Variants in PRTFDC1 observed in about 807,000 individuals in gnomAD.
PRTFDC1 encodes phosphoribosyl transferase domain containing 1.
PRTFDC1 carries 38 observed loss-of-function variants against 34.6 expected under a neutral mutation model. That is an observed-to-expected ratio of 1.10 (90% CI 0.85 to 1.44). The LOEUF (loss-of-function observed/expected upper bound fraction) is 1.44, where lower values mean the gene tolerates loss of function less well. Among genes scored for constraint, PRTFDC1 ranks in the 40% most tolerant of loss-of-function variants. The pLI, the probability that PRTFDC1 is intolerant of heterozygous loss-of-function variation, is 0.00. For missense variants in PRTFDC1, 270 were observed against 283.0 expected (o/e 0.95, Z 0.33); for synonymous variants, 93 against 98.1 (o/e 0.95, Z 0.31).
rs72780358 is a variant in PRTFDC1 at position 24,891,625 on chromosome 10, T to C, written c.340-19562A>G. Among the ~76,000 whole-genome samples the C allele has an allele frequency of 1.6e-4, 24 of 148,956 alleles. No individual in the cohort carries two copies. In the South Asian group the frequency reaches 1.9e-3, roughly 12 times the overall value. On this transcript the variant is annotated intron_variant, in intron 3 of 8. Coordinates refer to ENST00000320152, the MANE Select transcript of PRTFDC1 (RefSeq NM_020200.7). Reference sequence around the variant, plus strand: ...CAAGGCAACATGAAACCCAGTCTCTTAAAAAAAAAAAATTAGCTGTTGTCC... The same window carrying C: ...CAAGGCAACATGAAACCCAGTCTCTCAAAAAAAAAAAATTAGCTGTTGTCC...
At chr10:24,947,962 G>A (rs1849278020) in intron 1 of PRTFDC1, among the ~76,000 whole-genome samples, 1 of 152,156 alleles carries the variant, frequency 6.6e-6, no homozygotes. Context: ...CCCAGGTTCT[G>A]CTCACAGAGG....
At chr10:24,856,308 C>T (rs1042666092) in intron 6 of PRTFDC1, among the ~76,000 whole-genome samples, 2 of 151,224 alleles carry the variant, frequency 1.3e-5, no homozygotes, top group East Asian at 2.0e-4. Context: ...AAAAAAGGGC[C>T]GGGTGCAGTG....
chr10:24,866,809 AG>A (rs1195988227), intron 4 of PRTFDC1, among the ~76,000 whole-genome samples: 8 of 151,766 alleles, frequency 5.3e-5, no homozygotes, highest in South Asian at 2.1e-4. Context: ...AGAGAGAGAG[AG>A]AAAAGAAGAG....
At chr10:24,898,630 C>G (rs1348691726) in intron 3 of PRTFDC1, among the ~76,000 whole-genome samples, 2 of 152,058 alleles carry the variant, frequency 1.3e-5, no homozygotes, top group African/African-American at 2.4e-5. Context: ...GGCTCACATT[C>G]TTGCCTCATT....
In PRTFDC1 at chr10:24,908,504, T is replaced by C. The variant is rs779635957; in HGVS notation, c.339+28680A>G. The C allele has an allele frequency of 3.7e-6, 6 of 1,612,222 alleles. No homozygotes were observed. In the South Asian group the frequency reaches 6.6e-5, roughly 18 times the overall value. On this transcript the variant is annotated intron_variant, in intron 3 of 8. Coordinates refer to ENST00000320152, the MANE Select transcript of PRTFDC1 (RefSeq NM_020200.7). ...TGTACACCTCACTGGATCTCAGACC[T>C]AATTCTGCTCTGATCTTGGTAACTG...
At chr10:24,908,483 C>T (rs1029364896) in intron 3 of PRTFDC1, 11 of 1,609,674 alleles carry the variant, frequency 6.8e-6, no homozygotes, top group African/African-American at 6.7e-5. Context: ...TGCTACTGTA[C>T]ACCTCACTGG....
rs925518043 is a variant in PRTFDC1, at chr10:24,952,234, C to T, written c.48+294G>A. Among the ~76,000 whole-genome samples the T allele has an allele frequency of 6.6e-6, 1 of 152,146 alleles. No individual in the cohort carries two copies. Among genetic ancestry groups the T allele is most frequent in the Non-Finnish European group, 1.5e-5 (1 of 68,038 alleles). ...CTCGCAGAAGCGACTCCCCGTGGCT[C>T]GCGGGGATGGGGACGGCTGGGCGCC... On this transcript the variant is annotated intron_variant, in intron 1 of 8. Transcript: ENST00000320152. The surrounding 1 kb of genome is among the most constrained non-coding windows in gnomAD (Gnocchi z 5.1).
chr10:24,916,166 G>A (rs1848692455), intron 3 of PRTFDC1, among the ~76,000 whole-genome samples: 1 of 152,102 alleles, frequency 6.6e-6, no homozygotes, highest in South Asian at 2.1e-4. Flanking sequence ...TATGGGTGAT[G>A]GCTTTGTCTT....
chr10:24,898,062 C>CT (rs964601063), intron 3 of PRTFDC1, among the ~76,000 whole-genome samples: 136 of 152,084 alleles, frequency 8.9e-4, no homozygotes, highest in African/African-American at 3.2e-3. Flanking sequence ...TTGTAAAGTA[C>CT]TTTTTTTTGA....
chr10:24,948,382 TATCAACC>T (rs1849286177), intron 1 of PRTFDC1, among the ~76,000 whole-genome samples: 1 of 152,090 alleles, frequency 6.6e-6, no homozygotes, highest in Non-Finnish European at 1.5e-5. Context: ...AACAAAGAGG[TATCAACC>T]AGGAATCTGG....
At chr10:24,853,448 CT>C (rs1316949816) in intron 7 of PRTFDC1, among the ~76,000 whole-genome samples, 1 of 152,018 alleles carries the variant, frequency 6.6e-6, no homozygotes, top group Non-Finnish European at 1.5e-5. Context: ...CCCATCTCTA[CT>C]AAAAATACAA....
chr10:24,920,057 C>G (rs1227783491), intron 3 of PRTFDC1, among the ~76,000 whole-genome samples: 1 of 152,096 alleles, frequency 6.6e-6, no homozygotes, highest in African/African-American at 2.4e-5. Context: ...TTATGGAAGA[C>G]AGTGCGGCAA....
intron 6 of PRTFDC1, among the ~76,000 whole-genome samples, chr10:24,855,565 G>A (rs1033767320): frequency 6.6e-6 from 1 of 152,172 alleles, no homozygotes; most frequent in African/African-American, 2.4e-5. Flanking sequence ...AGGACAAGGT[G>A]GGAGGATCAC....
intron 3 of PRTFDC1, among the ~76,000 whole-genome samples, chr10:24,922,100 A>G (rs1267936741): frequency 3.9e-5 from 6 of 152,222 alleles, no homozygotes; most frequent in Non-Finnish European, 8.8e-5. Flanking sequence ...CCTAGACTTT[A>G]AAGTTCATGT....
chr10:24,900,230 T>C (rs1848427144), intron 3 of PRTFDC1, among the ~76,000 whole-genome samples: 1 of 152,210 alleles, frequency 6.6e-6, no homozygotes, highest in East Asian at 1.9e-4. Context: ...TCCTCCCAAA[T>C]GTAAATTCTT....
intron 3 of PRTFDC1, chr10:24,908,642 C>T: frequency 6.2e-7 from 1 of 1,611,704 alleles, no homozygotes; most frequent in East Asian, 2.2e-5. Flanking sequence ...GAAGGCCAGT[C>T]CTCCTCTATC....
At chr10:24,940,376 TAAG>T (rs964269978) in intron 2 of PRTFDC1, among the ~76,000 whole-genome samples, 1 of 152,146 alleles carries the variant, frequency 6.6e-6, no homozygotes, top group South Asian at 2.1e-4. Context: ...TATAGTTCAA[TAAG>T]AAGATGAACA....
chr10:24,940,362 C>G (rs1849135703), intron 2 of PRTFDC1, among the ~76,000 whole-genome samples: 1 of 152,082 alleles, frequency 6.6e-6, no homozygotes, highest in South Asian at 2.1e-4. Context: ...ATATAAAGAA[C>G]TCTTATAGTT....
chr10:24,849,605 T>G lies in PRTFDC1; in HGVS notation c.*239A>C. The G allele has an allele frequency of 2.2e-6, 1 of 457,436 alleles. No homozygotes were observed. Among genetic ancestry groups the G allele is most frequent in the Non-Finnish European group, 3.9e-6 (1 of 256,060 alleles). The allele number at this position is 457,436 out of a possible 1,614,324, so 28.3% of individuals were successfully genotyped here. A position where few individuals can be genotyped will look rare whatever the true frequency, so the allele number is the denominator to read the frequency against. ...TGTGAAGGTAGATAGCATTGCTGAG[T>G]CACAAGGCGGAGTGTTTAATTTGGA... On this transcript the variant is annotated 3_prime_UTR_variant, in exon 9 of 9. Coordinates refer to ENST00000320152, the MANE Select transcript of PRTFDC1 (RefSeq NM_020200.7).
Sources: gnomAD v4.1 joint callset for allele counts (sites outside exome capture counted in the v4.1 genomes callset) on GRCh38, gnomAD v4.1.1 for gene constraint, Gnocchi (gnomAD v3.1) non-coding constraint, MANE v1.5 for transcripts, NCBI Gene and HGNC (gene_info 2026-07-23, HGNC 2026-07-21) for gene names.